KAZN: variants seen among roughly 807,000 people sequenced by gnomAD.
KAZN encodes kazrin, periplakin interacting protein.
Under a neutral mutation model 87.4 loss-of-function variants are expected in KAZN, and 40 were observed. The ratio of observed to expected loss-of-function variants is 0.46; its 90% confidence interval spans 0.36 to 0.60. The LOEUF (loss-of-function observed/expected upper bound fraction) is 0.60, where lower values mean the gene tolerates loss of function less well. Among genes scored for constraint, KAZN ranks in the 20% least tolerant of loss-of-function variants. The probability of loss-of-function intolerance (pLI) is 0.00; values close to 1 mark genes in which losing one functional copy is unlikely to be tolerated. For synonymous variants in KAZN, 466 were observed against 458.3 expected (o/e 1.02, Z -0.22); for missense variants, 898 against 1,073.9 (o/e 0.84, Z 2.29).
At chr1:14,896,113 G>T (rs1655247385) in intron 1 of KAZN, among the ~76,000 whole-genome samples, 1 of 147,562 alleles carries the variant, frequency 6.8e-6, no homozygotes, top group African/African-American at 2.6e-5. Context: ...GGAGTGGAAT[G>T]GTGCAATCTC....
chr1:14,663,224 G>T (rs1165184124), intron 1 of KAZN, among the ~76,000 whole-genome samples: 1 of 151,960 alleles, frequency 6.6e-6, no homozygotes, highest in East Asian at 1.9e-4. Context: ...CAATCCTCCT[G>T]CCTTTGCCTC....
At chr1:14,774,077 C>A (rs1441460792) in intron 1 of KAZN, among the ~76,000 whole-genome samples, 1 of 152,200 alleles carries the variant, frequency 6.6e-6, no homozygotes, top group African/African-American at 2.4e-5. Flanking sequence ...GCAAAAGACC[C>A]CACATGCTTT....
chr1:14,237,834 A>C (rs1314444504), intron 2 of KAZN, among the ~76,000 whole-genome samples: 1 of 152,184 alleles, frequency 6.6e-6, no homozygotes, highest in Non-Finnish European at 1.5e-5. Flanking sequence ...AGGTCCAAGA[A>C]GCCCACATGG....
In KAZN at chr1:14,773,127, C is replaced by T. The variant is rs1287188008; in HGVS notation, c.226+173904C>T. 6.6e-6 allele frequency among the ~76,000 whole-genome samples: 1 copy of T among 152,146 alleles called. No homozygotes were observed. The highest frequency in any genetic ancestry group is 2.4e-5 in the African/African-American group (1 of 41,420). ...CATCTGGTGGAGAGAAAAGGTTGCC[C>T]TCTCCTGCATGTGGAAGAAGCTTGG... On this transcript the variant is annotated intron_variant, in intron 1 of 14. Coordinates refer to ENST00000376030, the MANE Select transcript of KAZN (RefSeq NM_201628.3). This position sits in a 1 kb window ranked among gnomAD's most constrained non-coding sequence, Gnocchi z 5.9.
chr1:14,381,246 CAG>C, intron 2 of KAZN, among the ~76,000 whole-genome samples: 1 of 152,028 alleles, frequency 6.6e-6, no homozygotes, highest in Non-Finnish European at 1.5e-5. Context: ...CTGGAGCACT[CAG>C]ATATATAAAG....
At chr1:14,884,934 G>T (rs1399593523) in intron 1 of KAZN, among the ~76,000 whole-genome samples, 2 of 152,198 alleles carry the variant, frequency 1.3e-5, no homozygotes, top group Non-Finnish European at 2.9e-5. Flanking sequence ...GGAGCAGAGG[G>T]GACCTTAGAC....
intron 2 of KAZN, among the ~76,000 whole-genome samples, chr1:15,008,534 C>T (rs548638365): frequency 7.2e-5 from 11 of 152,332 alleles, no homozygotes; most frequent in African/African-American, 2.4e-4. Flanking sequence ...GAGCACTTCA[C>T]TGTTTGCAGA....
chr1:14,758,206 C>A (rs1644629280), intron 1 of KAZN, among the ~76,000 whole-genome samples: 1 of 152,036 alleles, frequency 6.6e-6, no homozygotes, highest in Non-Finnish European at 1.5e-5. Context: ...TGCTTTGTCA[C>A]CCAGGCTAGA....
At chr1:15,024,157 C>T (rs947819977) in intron 2 of KAZN, among the ~76,000 whole-genome samples, 2 of 152,022 alleles carry the variant, frequency 1.3e-5, no homozygotes, top group Non-Finnish European at 2.9e-5. Flanking sequence ...GCCACCAATG[C>T]CCAGAGGTCA....
chr1:14,503,858 T>A (rs1455068527), intron 2 of KAZN, among the ~76,000 whole-genome samples: 1 of 152,046 alleles, frequency 6.6e-6, no homozygotes. Flanking sequence ...ATCACTTTCT[T>A]CTCCAGAAAA....
At chr1:14,398,703 T>C (rs1304305636) in intron 2 of KAZN, among the ~76,000 whole-genome samples, 1 of 152,208 alleles carries the variant, frequency 6.6e-6, no homozygotes, top group African/African-American at 2.4e-5. Context: ...CTATCTTCTC[T>C]GAGAAATAAG....
intron 1 of KAZN, among the ~76,000 whole-genome samples, chr1:14,158,193 A>G (rs535217328): frequency 2.0e-5 from 3 of 151,472 alleles, no homozygotes; most frequent in Non-Finnish European, 4.4e-5. Context: ...TAAACTTTCT[A>G]CTCCTATCTC....
At chr1:14,373,518 C>T (rs1343402650) in intron 2 of KAZN, among the ~76,000 whole-genome samples, 2 of 152,132 alleles carry the variant, frequency 1.3e-5, no homozygotes, top group African/African-American at 4.8e-5. Flanking sequence ...TAAGTGAGTC[C>T]AATCAAGTTA....
At chr1:14,570,026 T>C (rs1674767874) in intron 2 of KAZN, among the ~76,000 whole-genome samples, 1 of 152,020 alleles carries the variant, frequency 6.6e-6, no homozygotes, top group South Asian at 2.1e-4. Flanking sequence ...GGCAGGAGAA[T>C]TGCTTGAACC....
chr1:14,837,881 G>A (rs987853451), intron 1 of KAZN, among the ~76,000 whole-genome samples: 6 of 152,106 alleles, frequency 3.9e-5, no homozygotes, highest in South Asian at 2.1e-4. Flanking sequence ...AATATAAAAC[G>A]GTTTATTTAA....
At position 15,115,648 on chromosome 1, in the gene KAZN, A is replaced by G. The variant is rs528886548; in HGVS notation, c.*1013A>G. Reference sequence around the variant, plus strand: ...TCACCAATGTCCTAACCGAGACACAAACTCCACAGAGCAAAATCATTTGGT... The same window carrying G: ...TCACCAATGTCCTAACCGAGACACAGACTCCACAGAGCAAAATCATTTGGT... On this transcript the variant is annotated 3_prime_UTR_variant, in exon 15 of 15. Transcript: ENST00000376030. This position sits in a 1 kb window ranked among gnomAD's most constrained non-coding sequence, Gnocchi z 4.1. 2.6e-5 allele frequency: 4 copies of G among 152,270 alleles called. No individual in the cohort carries two copies. In the East Asian group the frequency reaches 5.8e-4, roughly 22 times the overall value. The allele number at this position is 152,270 out of a possible 1,614,324, so 9.4% of individuals were successfully genotyped here.
At position 14,599,178 on chromosome 1, in the gene KAZN, G is replaced by C. The variant is rs753763408; in HGVS notation, c.181G>C (p.Asp61His). The C allele has an allele frequency of 2.9e-6, 4 of 1,381,796 alleles. No individual in the cohort carries two copies. Among genetic ancestry groups the C allele is most frequent in the Non-Finnish European group, 3.7e-6 (4 of 1,070,008 alleles). 85.6% of individuals were successfully genotyped at this position (1,381,796 alleles called of 1,614,324 possible). Residue 61 changes from aspartate to histidine, a missense_variant, in exon 1 of 15, where the codon GAC (aspartate) becomes CAC (histidine). Physicochemically the swap from Asp to His is moderately conservative, Grantham distance 81. Transcript: ENST00000376030. The surrounding 1 kb of genome is among the most constrained non-coding windows in gnomAD (Gnocchi z 4.4). ...CGCGGCCAGCGCCTCGGCGGCGGGG[G>C]ACTCGGCGGCGACGAACATGGAGAA... is the stretch of plus-strand genomic sequence containing the variant. ...GAAASASAAG[D>H]SAATNMENPQ...
chr1:14,238,423 C>T (rs1286204528), intron 2 of KAZN, among the ~76,000 whole-genome samples: 5 of 152,258 alleles, frequency 3.3e-5, no homozygotes, highest in African/African-American at 4.8e-5. Context: ...GATTCTTTTC[C>T]GGCCCTCATA....
intron 1 of KAZN, among the ~76,000 whole-genome samples, chr1:13,914,505 C>T (rs756130723): frequency 6.6e-6 from 1 of 152,194 alleles, no homozygotes; most frequent in Admixed American, 6.5e-5. Flanking sequence ...GGGATGTCAC[C>T]GCCTCGATTA....
Sources: allele counts gnomAD v4.1 joint callset (sites outside exome capture counted in the v4.1 genomes callset), GRCh38; gene constraint gnomAD v4.1.1; non-coding constraint Gnocchi (gnomAD v3.1); transcripts MANE v1.5; gene names NCBI Gene and HGNC (gene_info 2026-07-23, HGNC 2026-07-21).